MYO6: variants seen among roughly 807,000 people sequenced by gnomAD.
MYO6 encodes unconventional myosin-VI.
In MYO6, 74 loss-of-function variants were observed where a neutral mutation model predicts 178.7. The observed-to-expected ratio is 0.41, with a 90% CI of 0.34 to 0.50. The LOEUF (loss-of-function observed/expected upper bound fraction) is 0.50, where lower values mean the gene tolerates loss of function less well. Ranked by LOEUF, MYO6 falls within the 20% of genes least tolerant of loss-of-function variation. The pLI is 0.09. For missense variants in MYO6, 1,330 were observed against 1,547.4 expected, an observed-to-expected ratio of 0.86 and a Z score of 2.36; for synonymous variants, 477 against 504.6, an observed-to-expected ratio of 0.95 and a Z score of 0.73.
chr6:75,902,562 G>A (rs542666561), intron 30 of MYO6, among the ~76,000 whole-genome samples: 1,681 of 152,166 alleles, frequency 0.011, 14 homozygotes, highest in Non-Finnish European at 0.013. Flanking sequence ...CTGTGGGATC[G>A]GTGGTGACAT....
chr6:75,768,676 C>T (rs968508397), intron 1 of MYO6, among the ~76,000 whole-genome samples: 1 of 152,088 alleles, frequency 6.6e-6, no homozygotes, highest in Non-Finnish European at 1.5e-5. Flanking sequence ...GCCACTGTGC[C>T]TGGCCAATAA....
chr6:75,845,120 C>A, intron 10 of MYO6, 143 bp downstream of exon 10: 1 of 692,700 alleles, frequency 1.4e-6, no homozygotes, highest in Non-Finnish European at 2.5e-6. Context: ...TCATCTAAGT[C>A]TCTGTCACAG....
chr6:75,751,618 A>G (rs1214197976), intron 1 of MYO6, among the ~76,000 whole-genome samples: 1 of 152,206 alleles, frequency 6.6e-6, no homozygotes, highest in African/African-American at 2.4e-5. Context: ...GTCAAGTTTT[A>G]AAATAACAGT....
chr6:75,890,337 T>C (rs1463838921), intron 26 of MYO6, 72 bp downstream of exon 26: 1 of 1,593,998 alleles, frequency 6.3e-7, no homozygotes, highest in Non-Finnish European at 8.6e-7. Context: ...CAGTGGTTAA[T>C]GACAATTATT....
At chr6:75,756,087 A>G (rs528778272) in intron 1 of MYO6, among the ~76,000 whole-genome samples, 1 of 152,260 alleles carries the variant, frequency 6.6e-6, no homozygotes, top group South Asian at 2.1e-4. Context: ...AGCAAAGAAA[A>G]CTGAGAGAAA....
chr6:75,895,230 G>GA lies in MYO6; in HGVS notation c.3110dup (p.Asn1037LysfsTer2). On this transcript the variant is annotated frameshift_variant and splice_region_variant. Transcript: ENST00000369977. LOFTEE classifies it high-confidence loss of function. ...TTAACTAAAATATATTCTTTTCACA[G>GA]AAATGATGGAACAAGACCCAAAATG... 1 of 1,603,144 alleles carries GA rather than the reference G, an allele frequency of 6.2e-7. No homozygotes were observed. Among genetic ancestry groups the GA allele is most frequent in the South Asian group, 1.1e-5 (1 of 90,388 alleles).
chr6:75,754,363 T>C (rs1304452397), intron 1 of MYO6, among the ~76,000 whole-genome samples: 2 of 151,442 alleles, frequency 1.3e-5, no homozygotes, highest in Non-Finnish European at 2.9e-5. Flanking sequence ...CTACTAAAAA[T>C]ACAAAAATTA....
intron 1 of MYO6, among the ~76,000 whole-genome samples, chr6:75,772,214 CTGT>C (rs1358018089): frequency 1.3e-5 from 2 of 151,966 alleles, no homozygotes; most frequent in Non-Finnish European, 2.9e-5. Flanking sequence ...TTTTTGTCTC[CTGT>C]TTGTCACAAA....
chr6:75,777,889 G>GA (rs1445568325), intron 1 of MYO6, among the ~76,000 whole-genome samples: 10 of 152,116 alleles, frequency 6.6e-5, no homozygotes, highest in African/African-American at 1.9e-4. Flanking sequence ...TTTCAAACTT[G>GA]AAAAAACAGT....
At chr6:75,770,354 G>A (rs1765747953) in intron 1 of MYO6, among the ~76,000 whole-genome samples, 1 of 152,198 alleles carries the variant, frequency 6.6e-6, no homozygotes, top group Admixed American at 6.5e-5. Context: ...AAGATACAAA[G>A]AGAAATTCCG....
intron 28 of MYO6, 65 bp downstream of exon 28, chr6:75,892,755 A>G: frequency 6.4e-7 from 1 of 1,552,134 alleles, no homozygotes; most frequent in African/African-American, 1.4e-5. Context: ...TCTGCCTCTC[A>G]TTTCCATGCA....
chr6:75,829,915 T>C (rs939912683), intron 4 of MYO6, among the ~76,000 whole-genome samples: 1 of 152,176 alleles, frequency 6.6e-6, no homozygotes, highest in African/African-American at 2.4e-5. Context: ...GTGATAGGGA[T>C]GGGCCCAGAA....
chr6:75,784,700 C>G (rs1767343950), intron 1 of MYO6, among the ~76,000 whole-genome samples: 1 of 142,600 alleles, frequency 7.0e-6, no homozygotes, highest in Non-Finnish European at 1.5e-5. Context: ...TGGCGTGAAC[C>G]CGGGAGGCGG....
At chr6:75,804,016 C>T (rs967983056) in intron 1 of MYO6, among the ~76,000 whole-genome samples, 7 of 152,198 alleles carry the variant, frequency 4.6e-5, no homozygotes, top group Non-Finnish European at 8.8e-5. Context: ...GCCTCAGCCT[C>T]TTAAGTAGCT....
chr6:75,829,726 C>CA (rs1011740082), intron 4 of MYO6, among the ~76,000 whole-genome samples: 4 of 152,106 alleles, frequency 2.6e-5, no homozygotes, highest in African/African-American at 9.7e-5. Context: ...AAAATTTACT[C>CA]AATCAGCTGA....
intron 12 of MYO6, 72 bp downstream of exon 12, chr6:75,855,355 T>G: frequency 6.7e-7 from 1 of 1,491,024 alleles, no homozygotes; most frequent in Non-Finnish European, 9.3e-7. Flanking sequence ...TAAGTTACAT[T>G]CTGTTTAAAA....
chr6:75,883,596 A>G (rs1778207610), intron 23 of MYO6, among the ~76,000 whole-genome samples: 1 of 152,178 alleles, frequency 6.6e-6, no homozygotes, highest in East Asian at 1.9e-4. Flanking sequence ...TAGGAATTCA[A>G]ACCCCTTTGA....
At position 75,914,855 on chromosome 6, in the gene MYO6, C is replaced by T; in HGVS notation, c.3701C>T (p.Thr1234Ile). Residue 1234 changes from threonine to isoleucine, a missense_variant, in exon 35 of 35, where the codon ACT (threonine) becomes ATT (isoleucine). Coordinates refer to ENST00000369977, the MANE Select transcript of MYO6 (RefSeq NM_004999.4). ...MEMCELNLEE[T>I]GLTRKRGAEI... is the part of the protein sequence containing the mutation. ...ATGTGTGAGCTGAATCTTGAGGAGA[C>T]TGGCCTGACTCGGAAGCGTGGTGCT... is the stretch of plus-strand genomic sequence containing the variant. 1 of 1,614,162 alleles carries T rather than the reference C, an allele frequency of 6.2e-7. No homozygotes were observed. The highest frequency in any genetic ancestry group is 8.5e-7 in the Non-Finnish European group (1 of 1,180,016).
At chr6:75,817,997 G>C (rs1374696945) in intron 2 of MYO6, among the ~76,000 whole-genome samples, 1 of 152,054 alleles carries the variant, frequency 6.6e-6, no homozygotes, top group Non-Finnish European at 1.5e-5. Flanking sequence ...AATTTCTTGT[G>C]CCACATTACT....
Sources: allele counts gnomAD v4.1 joint callset (sites outside exome capture counted in the v4.1 genomes callset), GRCh38; gene constraint gnomAD v4.1.1; transcripts MANE v1.5; gene names NCBI Gene and HGNC (gene_info 2026-07-23, HGNC 2026-07-21).